Variants in PTP4A1 observed in about 807,000 individuals in gnomAD.
PTP4A1 encodes protein tyrosine phosphatase type IVA 1.
PTP4A1 carries 9 observed loss-of-function variants against 20.5 expected under a neutral mutation model. The ratio of observed to expected loss-of-function variants is 0.44; its 90% CI spans 0.26 to 0.77. The LOEUF is 0.77. PTP4A1 is among the 30% of genes least tolerant of loss of function. The pLI is 0.19. For synonymous variants in PTP4A1, 78 were observed against 67.4 expected (o/e 1.16, Z -0.77); for missense variants, 137 against 218.8 (o/e 0.63, Z 2.36).
intron 3 of PTP4A1, among the ~76,000 whole-genome samples, chr6:63,563,979 C>T (rs1777075534): frequency 6.6e-6 from 1 of 152,142 alleles, no homozygotes; most frequent in East Asian, 1.9e-4. Context: ...TAAAGAAATA[C>T]ATTATAGGAC....
chr6:63,520,219 C>A (rs1415888725), upstream of PTP4A1, among the ~76,000 whole-genome samples: 1 of 152,134 alleles, frequency 6.6e-6, no homozygotes, highest in Non-Finnish European at 1.5e-5. Context: ...GGAATATTTT[C>A]CCATTAGACA....
chr6:63,548,046 C>T (rs1308821162), intron 2 of PTP4A1, among the ~76,000 whole-genome samples: 5 of 152,138 alleles, frequency 3.3e-5, no homozygotes, highest in Admixed American at 1.3e-4. Context: ...TTCTTTTCTG[C>T]CCACATCCCC....
chr6:63,576,811 T>C lies in PTP4A1; in HGVS notation c.-70T>C. 7.9e-7 allele frequency: 1 copy of C among 1,259,618 alleles called. No individual in the cohort carries two copies. Among genetic ancestry groups the C allele is most frequent in the South Asian group, 1.3e-5 (1 of 76,702 alleles). 78.0% of individuals were successfully genotyped at this position (1,259,618 alleles called of 1,614,324 possible). ...ATATTGAAGTAGACTTCAGTTTCTT[T>C]GCATCATTTCTGTATTCAATTTTTT... is the stretch of plus-strand genomic sequence containing the variant. On this transcript the variant is annotated 5_prime_UTR_variant, in exon 2 of 6. Coordinates refer to ENST00000626021, the MANE Select transcript of PTP4A1 (RefSeq NM_003463.5).
At chr6:63,535,991 T>C (rs958172550) in intron 2 of PTP4A1, among the ~76,000 whole-genome samples, 1 of 150,332 alleles carries the variant, frequency 6.7e-6, no homozygotes, top group African/African-American at 2.4e-5. Context: ...CAGGGTGGCC[T>C]GGAACTCGTG....
chr6:63,578,938 T>C lies in PTP4A1; in HGVS notation c.239T>C (p.Ile80Thr). 6.3e-7 allele frequency: 1 copy of C among 1,598,838 alleles called. No individual in the cohort carries two copies. The change falls in exon 4 of 6, where the codon ATT becomes ACT. Residue 80 changes from isoleucine to threonine, a missense_variant. By Grantham distance (89) the Ile-to-Thr change is moderately conservative. Transcript: ENST00000626021. ...GATGGTGCACCACCATCCAACCAGATTGTTGATGACTGGTTAAGTCTTGTG... is the reference window on the plus strand; with the variant it reads ...GATGGTGCACCACCATCCAACCAGACTGTTGATGACTGGTTAAGTCTTGTG... ...FDDGAPPSNQIVDDWLSLVKI... is the reference protein window; with the variant it reads ...FDDGAPPSNQTVDDWLSLVKI...
At chr6:63,545,992 C>T (rs1776166360) in intron 2 of PTP4A1, among the ~76,000 whole-genome samples, 3 of 152,096 alleles carry the variant, frequency 2.0e-5, no homozygotes. Flanking sequence ...AAAAATAGAA[C>T]TATTATATGA....
At chr6:63,523,756 CGTTAGT>C in intron 1 of PTP4A1, among the ~76,000 whole-genome samples, 1 of 152,082 alleles carries the variant, frequency 6.6e-6, no homozygotes. Flanking sequence ...CATCAGCTAT[CGTTAGT>C]GTTAGTGTAT....
chr6:63,517,623 A>AAC (rs1289361505), upstream of PTP4A1, among the ~76,000 whole-genome samples: 4 of 151,900 alleles, frequency 2.6e-5, no homozygotes, highest in South Asian at 2.1e-4. Context: ...ACTATCTATC[A>AAC]ACACACACAC....
intron 5 of PTP4A1, among the ~76,000 whole-genome samples, chr6:63,579,809 AC>A (rs1410924562): frequency 6.6e-6 from 1 of 152,200 alleles, no homozygotes; most frequent in Non-Finnish European, 1.5e-5. Context: ...TCGTGGACTT[AC>A]GTGTAAATGG....
At chr6:63,549,417 C>T in intron 2 of PTP4A1, 1 of 751,136 alleles carries the variant, frequency 1.3e-6, no homozygotes, top group Non-Finnish European at 2.4e-6. Flanking sequence ...GTTTCTCAAA[C>T]AGGGGATTCA....
rs1160717602 is a variant in PTP4A1 at position 63,583,471 on chromosome 6, G to C, written c.*3297G>C. 1 of 152,176 alleles carries C rather than the reference G, an allele frequency of 6.6e-6. No individual in the cohort carries two copies. The highest frequency in any genetic ancestry group is 1.5e-5 in the Non-Finnish European group (1 of 68,030). The allele number at this position is 152,176 out of a possible 1,614,324, so 9.4% of individuals were successfully genotyped here. A position where few individuals can be genotyped will look rare whatever the true frequency, so the allele number is the denominator to read the frequency against. ...GAAAGTAAGGGAAAAACTTGTATTTGCCTTCAATGAATTAAACCAGTGATA... is the reference window on the plus strand; with the variant it reads ...GAAAGTAAGGGAAAAACTTGTATTTCCCTTCAATGAATTAAACCAGTGATA... On this transcript the variant is annotated 3_prime_UTR_variant, in exon 6 of 6. Transcript: ENST00000626021.
chr6:63,578,814 A>G, intron 3 of PTP4A1, 84 bp from the exon 4 acceptor site: 8 of 1,307,070 alleles, frequency 6.1e-6, no homozygotes, highest in Middle Eastern at 2.8e-4. Context: ...TGCTTTTGAA[A>G]ACATTTCCAT....
rs1400180366 is a variant in PTP4A1 at position 63,581,284 on chromosome 6, A to G, written c.*1110A>G. 6.6e-6 allele frequency: 1 copy of G among 152,568 alleles called. No individual in the cohort carries two copies. Among genetic ancestry groups the G allele is most frequent in the Non-Finnish European group, 1.5e-5 (1 of 68,012 alleles). 9.5% of individuals were successfully genotyped at this position (152,568 alleles called of 1,614,324 possible). A position where few individuals can be genotyped will look rare whatever the true frequency, so the allele number is the denominator to read the frequency against. On this transcript the variant is annotated 3_prime_UTR_variant, in exon 6 of 6. Transcript: ENST00000626021. Reference sequence around the variant, plus strand: ...ACTTGACAATTTGTTTTATTATGTAATTGATAAAATGGTGATGTGTATTAA... The same window carrying G: ...ACTTGACAATTTGTTTTATTATGTAGTTGATAAAATGGTGATGTGTATTAA...
intron 3 of PTP4A1, among the ~76,000 whole-genome samples, chr6:63,557,364 G>C (rs1776735144): frequency 6.6e-6 from 1 of 152,104 alleles, no homozygotes; most frequent in Non-Finnish European, 1.5e-5. Flanking sequence ...TCAGGAGTTT[G>C]AGACCAGCCT....
At chr6:63,536,973 A>G (rs908421133) in intron 2 of PTP4A1, among the ~76,000 whole-genome samples, 3 of 152,172 alleles carry the variant, frequency 2.0e-5, no homozygotes, top group African/African-American at 7.2e-5. Flanking sequence ...CAAATGAATT[A>G]GAGAAAGTGG....
chr6:63,542,864 C>A (rs1776039267), intron 2 of PTP4A1, among the ~76,000 whole-genome samples: 1 of 152,178 alleles, frequency 6.6e-6, no homozygotes, highest in African/African-American at 2.4e-5. Context: ...TCATCCAAGC[C>A]ATGATCATGT....
upstream of PTP4A1, among the ~76,000 whole-genome samples, chr6:63,519,837 C>T (rs942180950): frequency 6.6e-6 from 1 of 152,162 alleles, no homozygotes. Context: ...TCCTGAAATT[C>T]AATCATCAAT....
At position 63,541,053 on chromosome 6, in the gene PTP4A1, GGA is replaced by G. The variant is rs1243830711; in HGVS notation, c.-639-9246_-639-9245del. Among the ~76,000 whole-genome samples, 80 of 148,850 alleles carry G rather than the reference GGA, an allele frequency of 5.4e-4. 1 individual carries two copies. Among genetic ancestry groups the G allele is most frequent in the Admixed American group, 4.6e-3 (68 of 14,808 alleles). ...AGGAAGGAAGGAAGGAAGGAAGGAA[GGA>G]AGGGAGGGAAAGAAAGAAATCCTCA... On this transcript the variant is annotated intron_variant, in intron 2 of 3. Coordinates refer to the PTP4A1 transcript ENST00000639568.
At chr6:63,579,097 A>C (rs142214463) in intron 4 of PTP4A1, 69 bp downstream of exon 4, 4 of 1,436,744 alleles carry the variant, frequency 2.8e-6, no homozygotes, top group Middle Eastern at 2.0e-4. Context: ...AACTTGAAAA[A>C]TTCTTATAAT....
Sources: allele counts gnomAD v4.1 joint callset (sites outside exome capture counted in the v4.1 genomes callset), GRCh38; gene constraint gnomAD v4.1.1; transcripts MANE v1.5; gene names NCBI Gene and HGNC (gene_info 2026-07-23, HGNC 2026-07-21).